ST6GALNAC3: variants seen among roughly 807,000 people sequenced by gnomAD.
The protein encoded by ST6GALNAC3 is ST6 N-acetylgalactosaminide alpha-2,6-sialyltransferase 3.
A neutral mutation model predicts 32.7 loss-of-function variants in ST6GALNAC3; 25 were observed. The observed-to-expected ratio is 0.76, with a 90% CI of 0.56 to 1.07. The LOEUF (loss-of-function observed/expected upper bound fraction) is 1.07. ST6GALNAC3 is among the 50% of genes least tolerant of loss of function. ST6GALNAC3 has a pLI of 0.00. For synonymous variants in ST6GALNAC3, 129 were observed against 133.1 expected, an observed-to-expected ratio of 0.97 and a Z score of 0.21; for missense variants, 355 against 382.4, an observed-to-expected ratio of 0.93 and a Z score of 0.60.
At chr1:76,444,084 A>G (rs1458662116) in intron 3 of ST6GALNAC3, among the ~76,000 whole-genome samples, 1 of 152,222 alleles carries the variant, frequency 6.6e-6, no homozygotes, top group African/African-American at 2.4e-5. Flanking sequence ...ATCAAGTTTT[A>G]ATTTATGACA....
chr1:76,408,126 T>G (rs1268049995), intron 2 of ST6GALNAC3, among the ~76,000 whole-genome samples: 1 of 152,068 alleles, frequency 6.6e-6, no homozygotes, highest in East Asian at 1.9e-4. Context: ...AAGCAAGCTT[T>G]TTGTGCTACC....
intron 3 of ST6GALNAC3, among the ~76,000 whole-genome samples, chr1:76,582,526 G>C (rs1265740145): frequency 6.6e-6 from 1 of 152,112 alleles, no homozygotes; most frequent in Non-Finnish European, 1.5e-5. Flanking sequence ...TAGAAGGAAT[G>C]TCAAAGAGTT....
chr1:76,158,306 G>A (rs448003), intron 1 of ST6GALNAC3, among the ~76,000 whole-genome samples: 21,304 of 151,852 alleles, frequency 0.14, 1,731 homozygotes, highest in Non-Finnish European at 0.19. Flanking sequence ...ATGGGAGGAG[G>A]GATCTGTGCA....
At chr1:76,543,503 A>T (rs1664116564) in intron 3 of ST6GALNAC3, among the ~76,000 whole-genome samples, 1 of 152,260 alleles carries the variant, frequency 6.6e-6, no homozygotes, top group African/African-American at 2.4e-5. Flanking sequence ...AGAAAAAAAT[A>T]TGCAGATAAA....
chr1:76,566,305 C>CCT (rs1665551545), intron 3 of ST6GALNAC3, among the ~76,000 whole-genome samples: 2 of 152,144 alleles, frequency 1.3e-5, no homozygotes, highest in Admixed American at 1.3e-4. Flanking sequence ...ATGGCAAGAA[C>CCT]CTCTGAACTA....
At chr1:76,122,568 C>A (rs1016598188) in intron 1 of ST6GALNAC3, among the ~76,000 whole-genome samples, 12 of 152,192 alleles carry the variant, frequency 7.9e-5, no homozygotes, top group African/African-American at 2.9e-4. Context: ...TGGCTATGCA[C>A]CACTTGTAAT....
At chr1:76,139,110 C>T (rs1650138285) in intron 1 of ST6GALNAC3, among the ~76,000 whole-genome samples, 1 of 151,780 alleles carries the variant, frequency 6.6e-6, no homozygotes, top group African/African-American at 2.4e-5. Context: ...AGGAGAATGG[C>T]GTGAACCCGG....
At chr1:76,097,809 T>A (rs1647161169) in intron 1 of ST6GALNAC3, among the ~76,000 whole-genome samples, 1 of 152,240 alleles carries the variant, frequency 6.6e-6, no homozygotes, top group African/African-American at 2.4e-5. Context: ...AACATTCCTG[T>A]ACCTGTCTCT....
intron 2 of ST6GALNAC3, among the ~76,000 whole-genome samples, chr1:76,377,419 TG>T (rs1651322811): frequency 1.3e-5 from 2 of 151,630 alleles, no homozygotes; most frequent in South Asian, 4.2e-4. Flanking sequence ...CTTACAACTG[TG>T]GTGGGAGGGC....
chr1:76,501,886 A>G (rs1661196451), intron 3 of ST6GALNAC3, among the ~76,000 whole-genome samples: 2 of 152,250 alleles, frequency 1.3e-5, no homozygotes, highest in Admixed American at 6.5e-5. Context: ...AATTGATTCA[A>G]CAAATCAATG....
chr1:76,525,245 G>A (rs1314521213), intron 3 of ST6GALNAC3, among the ~76,000 whole-genome samples: 4 of 152,032 alleles, frequency 2.6e-5, no homozygotes, highest in Non-Finnish European at 5.9e-5. Flanking sequence ...ATTTCCCATA[G>A]GCCTGCAGCT....
intron 1 of ST6GALNAC3, among the ~76,000 whole-genome samples, chr1:76,084,670 C>A (rs1646941971): frequency 6.6e-6 from 1 of 152,168 alleles, no homozygotes; most frequent in South Asian, 2.1e-4. Context: ...CAGCGACATG[C>A]TAATAGACAT....
chr1:76,615,742 T>C (rs1445349716), intron 3 of ST6GALNAC3, among the ~76,000 whole-genome samples: 2 of 152,248 alleles, frequency 1.3e-5, no homozygotes, highest in East Asian at 3.8e-4. Flanking sequence ...TATTTTTCCC[T>C]GGAATTTTCT....
chr1:76,293,363 C>CCTATGCTGG (rs1393212924), intron 1 of ST6GALNAC3, among the ~76,000 whole-genome samples: 1 of 152,174 alleles, frequency 6.6e-6, no homozygotes, highest in Non-Finnish European at 1.5e-5. Context: ...CTCATCTCTC[C>CCTATGCTGG]CTATGCTGGC....
intron 1 of ST6GALNAC3, among the ~76,000 whole-genome samples, chr1:76,180,859 A>C (rs911589512): frequency 1.3e-5 from 2 of 152,156 alleles, no homozygotes; most frequent in Non-Finnish European, 2.9e-5. Flanking sequence ...ACCATCCTTC[A>C]AGTCTGTGTG....
chr1:76,168,512 T>G (rs1227177915), intron 1 of ST6GALNAC3, among the ~76,000 whole-genome samples: 1 of 152,234 alleles, frequency 6.6e-6, no homozygotes, highest in African/African-American at 2.4e-5. Context: ...GTTCTGGTCC[T>G]GAATATCTTT....
At chr1:76,491,690 C>T (rs1378819107) in intron 3 of ST6GALNAC3, among the ~76,000 whole-genome samples, 1 of 152,176 alleles carries the variant, frequency 6.6e-6, no homozygotes, top group Non-Finnish European at 1.5e-5. Flanking sequence ...ATCTCCCCAG[C>T]TACAGGGCAT....
chr1:76,281,725 G>C (rs1317531901), intron 1 of ST6GALNAC3, among the ~76,000 whole-genome samples: 1 of 152,218 alleles, frequency 6.6e-6, no homozygotes, highest in Non-Finnish European at 1.5e-5. Context: ...TGGTCCTTGG[G>C]AAGGTCTCAA....
chr1:76,532,203 G>A (rs545594296), intron 3 of ST6GALNAC3, among the ~76,000 whole-genome samples: 4 of 152,252 alleles, frequency 2.6e-5, no homozygotes, highest in Non-Finnish European at 5.9e-5. Context: ...TAGGAAACTT[G>A]AGCCTGCCAT....
Sources: allele counts gnomAD v4.1 joint callset (sites outside exome capture counted in the v4.1 genomes callset), GRCh38; gene constraint gnomAD v4.1.1; transcripts MANE v1.5; gene names NCBI Gene and HGNC (gene_info 2026-07-23, HGNC 2026-07-21).